The following RAP1GDS1 variants were observed in gnomAD, a reference collection of about 807,000 sequenced individuals.
The protein encoded by RAP1GDS1 is RAP1, GTP-GDP dissociation stimulator 1.
Under a neutral mutation model 71.1 loss-of-function variants are expected in RAP1GDS1, and 35 were observed. That is an observed-to-expected ratio of 0.49 (90% CI 0.38 to 0.65). RAP1GDS1 has a LOEUF of 0.65. RAP1GDS1 is among the 30% of genes least tolerant of loss of function. The pLI is 0.00. For missense variants in RAP1GDS1, 663 were observed against 706.1 expected (o/e 0.94, Z 0.69); for synonymous variants, 229 against 243.1 (o/e 0.94, Z 0.54).
rs74520103 is a variant in RAP1GDS1 at position 98,394,064 on chromosome 4, T to G, written c.637+1984T>G. The stretch of plus-strand genomic sequence containing the variant: ...AGAGTACATAGAAGAAAGCAAAGAT[T>G]AATGAAATTTATCTCATCTAACTTT... On this transcript the variant is annotated intron_variant, in intron 6 of 14. Coordinates refer to ENST00000408927, the MANE Select transcript of RAP1GDS1 (RefSeq NM_001100427.2). Among the ~76,000 whole-genome samples, 328 of 152,266 alleles carry G rather than the reference T, an allele frequency of 2.2e-3. 3 individuals are homozygous for G. Among genetic ancestry groups the G allele is most frequent in the African/African-American group, 7.1e-3 (296 of 41,566 alleles).
At chr4:98,381,252 G>A (rs1434430876) in intron 5 of RAP1GDS1, among the ~76,000 whole-genome samples, 3 of 151,194 alleles carry the variant, frequency 2.0e-5, no homozygotes, top group Admixed American at 2.0e-4. Flanking sequence ...AAAACTTATC[G>A]AATAAAAAAG....
chr4:98,421,351 C>T lies in RAP1GDS1; in HGVS notation c.1397C>T (p.Ser466Leu). Residue 466 changes from serine (S) to leucine (L), a missense_variant, in exon 12 of 15, where the codon TCA becomes TTA. Transcript: ENST00000408927. ...GATCATGCTGGTGTGATGGGGGAGT[C>T]AAACAGACTGCTGTCTGCCCTTATA... ...AKDHAGVMGE[S>L]NRLLSALIRH... 1.2e-6 allele frequency: 2 copies of T among 1,609,418 alleles called. No individual in the cohort carries two copies. The highest frequency in any genetic ancestry group is 8.5e-7 in the Non-Finnish European group (1 of 1,177,310).
chr4:98,352,644 T>A, intron 4 of RAP1GDS1, 43 bp downstream of exon 4: 2 of 1,602,134 alleles, frequency 1.2e-6, no homozygotes, highest in Non-Finnish European at 1.7e-6. Context: ...TTTTTAAGAA[T>A]TATGATATTC....
chr4:98,283,497 T>G (rs936226782), intron 1 of RAP1GDS1, among the ~76,000 whole-genome samples: 4 of 152,194 alleles, frequency 2.6e-5, no homozygotes, highest in Admixed American at 2.0e-4. Context: ...AGTAGTCATA[T>G]TTCTAGTTTT....
chr4:98,345,196 A>G (rs1025938843), intron 3 of RAP1GDS1, among the ~76,000 whole-genome samples: 1 of 152,150 alleles, frequency 6.6e-6, no homozygotes, highest in Non-Finnish European at 1.5e-5. Context: ...AACATAGTAC[A>G]CTGATTGGGC....
chr4:98,277,940 G>A (rs1031655282), intron 1 of RAP1GDS1, among the ~76,000 whole-genome samples: 6 of 152,192 alleles, frequency 3.9e-5, no homozygotes, highest in African/African-American at 9.6e-5. Flanking sequence ...ATGAAAATAC[G>A]CTTTCTAGCC....
chr4:98,426,027 T>C (rs189415138), intron 12 of RAP1GDS1, among the ~76,000 whole-genome samples: 147 of 152,170 alleles, frequency 9.7e-4, no homozygotes, highest in African/African-American at 3.4e-3. Context: ...GCAAGTACTC[T>C]CTCAAACCAC....
At chr4:98,271,910 A>C (rs1723512951) in intron 1 of RAP1GDS1, among the ~76,000 whole-genome samples, 1 of 152,208 alleles carries the variant, frequency 6.6e-6, no homozygotes, top group African/African-American at 2.4e-5. Flanking sequence ...GATTTAGAGC[A>C]ATGGTTTTCA....
intron 6 of RAP1GDS1, 106 bp downstream of exon 6, chr4:98,392,186 T>C (rs559622104): frequency 2.1e-5 from 23 of 1,095,326 alleles, no homozygotes; most frequent in Middle Eastern, 2.9e-4. Context: ...ATTGTATTAG[T>C]TTATTTTTTG....
intron 2 of RAP1GDS1, among the ~76,000 whole-genome samples, chr4:98,299,956 G>A (rs1728332460): frequency 6.6e-6 from 1 of 152,118 alleles, no homozygotes; most frequent in Non-Finnish European, 1.5e-5. Flanking sequence ...TACTCCTGGT[G>A]AAGATGCTGT....
intron 7 of RAP1GDS1, among the ~76,000 whole-genome samples, chr4:98,408,468 G>A (rs1371220376): frequency 3.3e-5 from 5 of 152,010 alleles, no homozygotes; most frequent in Non-Finnish European, 7.4e-5. Flanking sequence ...ACTGATACAA[G>A]AATAGAAAAG....
At position 98,404,568 on chromosome 4, in the gene RAP1GDS1, G is replaced by C. The variant is rs746859030; in HGVS notation, c.729G>C (p.Met243Ile). 3.1e-6 allele frequency: 5 copies of C among 1,602,432 alleles called. No individual in the cohort carries two copies. The highest frequency in any genetic ancestry group is 4.3e-6 in the Non-Finnish European group (5 of 1,176,022). Residue 243 changes from methionine (M) to isoleucine (I), a missense_variant, in exon 7 of 15, where the codon ATG (methionine) becomes ATC (isoleucine). Coordinates refer to ENST00000408927, the MANE Select transcript of RAP1GDS1 (RefSeq NM_001100427.2). Reference sequence around the variant, plus strand: ...AAATAGAACATGATAAGAGAGAAATGATTTTTGAAGTTCTTGCTCCATTGG... The same window carrying C: ...AAATAGAACATGATAAGAGAGAAATCATTTTTGAAGTTCTTGCTCCATTGG... ...KKQIEHDKRE[M>I]IFEVLAPLAE... is the part of the protein sequence containing the mutation.
intron 5 of RAP1GDS1, among the ~76,000 whole-genome samples, chr4:98,386,845 T>C (rs1011809642): frequency 2.6e-5 from 4 of 152,122 alleles, no homozygotes. Context: ...TGCAGTGTTA[T>C]AATAGAGCTA....
At chr4:98,345,076 T>C (rs1736026315) in intron 3 of RAP1GDS1, among the ~76,000 whole-genome samples, 1 of 152,154 alleles carries the variant, frequency 6.6e-6, no homozygotes, top group Non-Finnish European at 1.5e-5. Flanking sequence ...CAAGGGATCC[T>C]CCCGCCTTGG....
At chr4:98,378,222 G>C (rs1741466914) in intron 4 of RAP1GDS1, among the ~76,000 whole-genome samples, 1 of 151,722 alleles carries the variant, frequency 6.6e-6, no homozygotes, top group African/African-American at 2.4e-5. Context: ...TCATTCTTAT[G>C]TTCAAAAGTT....
At chr4:98,352,261 T>C (rs74855988) in intron 3 of RAP1GDS1, among the ~76,000 whole-genome samples, 4,551 of 152,264 alleles carry the variant, frequency 0.03, 103 homozygotes, top group Middle Eastern at 0.061. Flanking sequence ...AACAAAAATA[T>C]GACCCCACTC....
At chr4:98,336,404 T>A (rs955835381) in intron 2 of RAP1GDS1, among the ~76,000 whole-genome samples, 9 of 152,218 alleles carry the variant, frequency 5.9e-5, no homozygotes, top group African/African-American at 1.7e-4. Context: ...CTTATTCTAG[T>A]GATGATTTCC....
intron 13 of RAP1GDS1, among the ~76,000 whole-genome samples, chr4:98,436,078 AAATAT>A (rs1751093672): frequency 7.0e-6 from 1 of 143,692 alleles, no homozygotes; most frequent in African/African-American, 2.8e-5. Flanking sequence ...CTCAAAAAAA[AAATAT>A]ATATATATAT....
intron 1 of RAP1GDS1, among the ~76,000 whole-genome samples, chr4:98,288,476 G>A (rs1433502967): frequency 3.9e-5 from 6 of 152,114 alleles, no homozygotes; most frequent in Non-Finnish European, 5.9e-5. Flanking sequence ...ATTGTGAATA[G>A]TGCCGCAGTA....
Sources: gnomAD v4.1 joint callset for allele counts (sites outside exome capture counted in the v4.1 genomes callset) on GRCh38, gnomAD v4.1.1 for gene constraint, MANE v1.5 for transcripts, NCBI Gene and HGNC (gene_info 2026-07-23, HGNC 2026-07-21) for gene names.